The following LIN7A variants were observed in gnomAD, a reference collection of about 807,000 sequenced individuals.
LIN7A encodes the protein protein lin-7 homolog A.
In LIN7A, 25 loss-of-function variants were observed where a neutral mutation model predicts 29.8. The ratio of observed to expected loss-of-function variants is 0.84; its 90% CI spans 0.61 to 1.17. The LOEUF (loss-of-function observed/expected upper bound fraction) is 1.17, where lower values mean the gene tolerates loss of function less well. LIN7A is among the 50% of genes most tolerant of loss of function. The pLI is 0.00. For missense variants in LIN7A, 239 were observed against 287.0 expected, an observed-to-expected ratio of 0.83 and a Z score of 1.21; for synonymous variants, 118 against 107.5, an observed-to-expected ratio of 1.10 and a Z score of -0.60.
At chr12:80,880,138 C>T (rs2052463457) in intron 2 of LIN7A, among the ~76,000 whole-genome samples, 1 of 152,144 alleles carries the variant, frequency 6.6e-6, no homozygotes, top group African/African-American at 2.4e-5. Context: ...GTCTTTCTTT[C>T]AGCACTTTCA....
chr12:80,885,268 C>G lies in LIN7A; in HGVS notation c.201+3983G>C, dbSNP rs572265969. Among the ~76,000 whole-genome samples the G allele has an allele frequency of 2.6e-5, 4 of 152,158 alleles. No individual in the cohort carries two copies. The East Asian group carries it at 7.7e-4, about 29-fold the overall frequency. The stretch of plus-strand genomic sequence containing the variant: ...TTTCAACTCTATTAATAAGTTTAGG[C>G]TAATCTAGCTAATTAATACAGCATG... On this transcript the variant is annotated intron_variant, in intron 2 of 5. Coordinates refer to ENST00000552864, the MANE Select transcript of LIN7A (RefSeq NM_004664.4).
At chr12:80,869,923 G>A (rs533507604) in intron 2 of LIN7A, among the ~76,000 whole-genome samples, 35 of 152,226 alleles carry the variant, frequency 2.3e-4, no homozygotes, top group African/African-American at 7.0e-4. Context: ...ATACTTCCAA[G>A]AAGAATTTCT....
intron 2 of LIN7A, among the ~76,000 whole-genome samples, chr12:80,864,209 A>G (rs1874022859): frequency 6.6e-6 from 1 of 152,170 alleles, no homozygotes; most frequent in African/African-American, 2.4e-5. Context: ...GCTTAAGATG[A>G]CATGGCAAAT....
At chr12:80,876,081 AG>A (rs771003144) in intron 2 of LIN7A, among the ~76,000 whole-genome samples, 1,745 of 97,488 alleles carry the variant, frequency 0.018, 16 homozygotes, top group Non-Finnish European at 0.035. Flanking sequence ...ACACACACAC[AG>A]AGAGAGAGAA....
At chr12:80,868,655 T>C (rs1328814023) in intron 2 of LIN7A, among the ~76,000 whole-genome samples, 2 of 152,232 alleles carry the variant, frequency 1.3e-5, no homozygotes, top group East Asian at 3.8e-4. Flanking sequence ...CATAGCCATG[T>C]GTTACGTGTC....
At chr12:80,826,855 A>G (rs1266321351) in intron 4 of LIN7A, among the ~76,000 whole-genome samples, 2 of 152,224 alleles carry the variant, frequency 1.3e-5, no homozygotes, top group East Asian at 3.9e-4. Flanking sequence ...CCTTGCTTAA[A>G]ATCTATTGAT....
intron 2 of LIN7A, among the ~76,000 whole-genome samples, chr12:80,862,299 T>C (rs1292519074): frequency 6.6e-6 from 1 of 152,236 alleles, no homozygotes; most frequent in Non-Finnish European, 1.5e-5. Flanking sequence ...TACCTAGGTC[T>C]GACCTCTTTT....
intron 2 of LIN7A, among the ~76,000 whole-genome samples, chr12:80,865,365 A>G (rs1290441485): frequency 0.011 from 1 of 92 alleles, no homozygotes; most frequent in Non-Finnish European, 0.022. Context: ...CTGCTGTTGG[A>G]TAAAGAATAA....
At chr12:80,836,365 T>C (rs1274735109) in intron 4 of LIN7A, among the ~76,000 whole-genome samples, 1 of 152,192 alleles carries the variant, frequency 6.6e-6, no homozygotes, top group Non-Finnish European at 1.5e-5. Flanking sequence ...CTAACACTAT[T>C]AAAACTAGCT....
At position 80,819,553 on chromosome 12, in the gene LIN7A, CAATA is replaced by C. The variant is rs201150748; in HGVS notation, c.484-7874_484-7871del. ...GTGTGTCCAGCATTTATTATGAACT[CAATA>C]AATAGTCAATGAATATAACATCAAT... On this transcript the variant is annotated intron_variant, in intron 4 of 5. Coordinates refer to ENST00000552864, the MANE Select transcript of LIN7A (RefSeq NM_004664.4). Among the ~76,000 whole-genome samples, 623 of 152,172 alleles carry C rather than the reference CAATA, an allele frequency of 4.1e-3. 4 individuals carry two copies. The highest frequency in any genetic ancestry group is 0.014 in the African/African-American group (561 of 41,510).
intron 5 of LIN7A, among the ~76,000 whole-genome samples, chr12:80,809,827 T>A (rs1305018000): frequency 6.6e-6 from 1 of 152,210 alleles, no homozygotes; most frequent in Non-Finnish European, 1.5e-5. Flanking sequence ...GGCAGGAGAA[T>A]CTTAGACACA....
intron 2 of LIN7A, among the ~76,000 whole-genome samples, chr12:80,871,116 T>C (rs1198365957): frequency 1.3e-5 from 2 of 152,078 alleles, no homozygotes. Flanking sequence ...AGGCTGAAAA[T>C]AGTGCGGGAA....
In LIN7A at chr12:80,855,514, T is replaced by C. The variant is rs191943261; in HGVS notation, c.202-7192A>G. Among the ~76,000 whole-genome samples, 37 of 152,178 alleles carry C rather than the reference T, an allele frequency of 2.4e-4. No individual in the cohort carries two copies. In the East Asian group the frequency reaches 3.7e-3, roughly 15 times the overall value. ...CTTCATTACATTAAAAATAAAAATT[T>C]AGCTCCCCACACTCTTTTACAATTA... On this transcript the variant is annotated intron_variant, in intron 2 of 5. Transcript: ENST00000552864.
chr12:80,919,632 G>A (rs922952778), intron 1 of LIN7A, among the ~76,000 whole-genome samples: 1 of 152,178 alleles, frequency 6.6e-6, no homozygotes, highest in Non-Finnish European at 1.5e-5. Flanking sequence ...CCAGGAATGG[G>A]GTGGGAAAGA....
intron 4 of LIN7A, among the ~76,000 whole-genome samples, chr12:80,826,316 G>A (rs747379449): frequency 7.2e-5 from 11 of 152,128 alleles, no homozygotes; most frequent in Non-Finnish European, 1.5e-4. Flanking sequence ...TCTAGTTCCT[G>A]CTATCACTAG....
chr12:80,927,619 C>T (rs957072424), intron 1 of LIN7A, among the ~76,000 whole-genome samples: 4 of 152,108 alleles, frequency 2.6e-5, no homozygotes, highest in African/African-American at 7.2e-5. Flanking sequence ...CTAAGGATAC[C>T]AAACCTCTTA....
intron 1 of LIN7A, among the ~76,000 whole-genome samples, chr12:80,924,664 G>A (rs1877481729): frequency 6.6e-6 from 1 of 152,134 alleles, no homozygotes; most frequent in African/African-American, 2.4e-5. Flanking sequence ...AGCCATGTTT[G>A]CCTTTCTCAG....
In LIN7A at chr12:80,793,387, T is replaced by C. The variant is rs1247691619; in HGVS notation, c.*4340A>G. On this transcript the variant is annotated 3_prime_UTR_variant, in exon 6 of 6. Coordinates refer to ENST00000552864, the MANE Select transcript of LIN7A (RefSeq NM_004664.4). ...TAAGCAGCATTTTTGAGCAGTGGTT[T>C]TAGAAAAGCAAGCTCACACAAATCT... The C allele has an allele frequency of 6.6e-6, 1 of 152,200 alleles. No homozygotes were observed. Among genetic ancestry groups the C allele is most frequent in the Non-Finnish European group, 1.5e-5 (1 of 68,032 alleles). The allele number at this position is 152,200 out of a possible 1,614,324, so 9.4% of individuals were successfully genotyped here.
At chr12:80,921,869 C>T (rs1270566135) in intron 1 of LIN7A, among the ~76,000 whole-genome samples, 1 of 152,140 alleles carries the variant, frequency 6.6e-6, no homozygotes, top group East Asian at 1.9e-4. Context: ...TTCATTCATC[C>T]AGAGGCATGT....
Sources: allele counts gnomAD v4.1 joint callset (sites outside exome capture counted in the v4.1 genomes callset), GRCh38; gene constraint gnomAD v4.1.1; transcripts MANE v1.5; gene names NCBI Gene and HGNC (gene_info 2026-07-23, HGNC 2026-07-21).